SCRG1: variants seen among roughly 807,000 people sequenced by gnomAD.
SCRG1 encodes the protein scrapie-responsive protein 1.
A neutral mutation model predicts 7.7 loss-of-function variants in SCRG1; 3 were observed. That is an observed-to-expected ratio of 0.39 (90% CI 0.18 to 1.01). The LOEUF is 1.01. Ranked by LOEUF, SCRG1 falls within the 50% of genes least tolerant of loss-of-function variation. The probability of loss-of-function intolerance (pLI) is 0.36; values close to 1 mark genes in which losing one functional copy is unlikely to be tolerated. For missense variants in SCRG1, 110 were observed against 117.2 expected (o/e 0.94, Z 0.28); for synonymous variants, 46 against 41.2 (o/e 1.12, Z -0.44).
At chr4:173,499,807 G>A in the SCRG1 span, among the ~76,000 whole-genome samples, 1 of 152,194 alleles carries the variant, frequency 6.6e-6, no homozygotes, top group African/African-American at 2.4e-5. The surrounding 1 kb of genome is among the most constrained non-coding windows in gnomAD (Gnocchi z 4.1). Context: ...AAAAAAAAGT[G>A]GGGGGCAGGG....
At chr4:173,495,522 A>T in the SCRG1 span, among the ~76,000 whole-genome samples, 3 of 152,238 alleles carry the variant, frequency 2.0e-5, no homozygotes, top group Non-Finnish European at 4.4e-5. Context: ...GTGTACATGC[A>T]TGGGAAATAT....
At chr4:173,493,897 T>C in the SCRG1 span, among the ~76,000 whole-genome samples, 12 of 152,292 alleles carry the variant, frequency 7.9e-5, no homozygotes, top group African/African-American at 2.9e-4. Context: ...TGATTTTGGT[T>C]TAAATCCAGT....
At chr4:173,464,830 A>G in the SCRG1 span, among the ~76,000 whole-genome samples, 41 of 152,338 alleles carry the variant, frequency 2.7e-4, no homozygotes, top group Non-Finnish European at 5.1e-4. Flanking sequence ...GCCAAAAGGT[A>G]GAAACAACCC....
chr4:173,413,091 G>C, the SCRG1 span, among the ~76,000 whole-genome samples: 13 of 151,818 alleles, frequency 8.6e-5, no homozygotes, highest in Middle Eastern at 3.4e-3. Flanking sequence ...ATTTCCTTTG[G>C]GTTGATCTCA....
chr4:173,499,997 G>C, the SCRG1 span, among the ~76,000 whole-genome samples: 39 of 152,172 alleles, frequency 2.6e-4, no homozygotes, highest in African/African-American at 9.4e-4. This position sits in a 1 kb window ranked among gnomAD's most constrained non-coding sequence, Gnocchi z 4.1. Flanking sequence ...ACAATGAGAC[G>C]TAACGGGTGG....
At chr4:173,429,970 C>T in the SCRG1 span, among the ~76,000 whole-genome samples, 17 of 148,942 alleles carry the variant, frequency 1.1e-4, no homozygotes, top group African/African-American at 3.7e-4. Context: ...AAGGAAAATA[C>T]CCTGCAAACT....
the SCRG1 span, among the ~76,000 whole-genome samples, chr4:173,517,439 T>TA: frequency 6.6e-6 from 1 of 152,082 alleles, no homozygotes; most frequent in African/African-American, 2.4e-5. Flanking sequence ...TTGCGTTTTT[T>TA]ACCGATAACC....
the SCRG1 span, among the ~76,000 whole-genome samples, chr4:173,502,024 TAATG>T: frequency 6.6e-6 from 1 of 152,130 alleles, no homozygotes; most frequent in Non-Finnish European, 1.5e-5. This position sits in a 1 kb window ranked among gnomAD's most constrained non-coding sequence, Gnocchi z 4.6. Flanking sequence ...ACTGGTGCGT[TAATG>T]GAAGGAAGGG....
the SCRG1 span, among the ~76,000 whole-genome samples, chr4:173,484,955 TTA>T: frequency 1.9e-5 from 1 of 51,962 alleles, no homozygotes; most frequent in African/African-American, 7.7e-5. Context: ...ATATATAATA[TTA>T]TATATATTAT....
the SCRG1 span, among the ~76,000 whole-genome samples, chr4:173,491,215 C>T: frequency 1.7e-4 from 22 of 133,018 alleles, no homozygotes; most frequent in African/African-American, 3.2e-4. Flanking sequence ...CTCTCTCTCT[C>T]TCTTTTTTTT....
the SCRG1 span, chr4:173,419,405 G>T: frequency 8.3e-7 from 1 of 1,210,404 alleles, no homozygotes; most frequent in Non-Finnish European, 1.2e-6. Context: ...TCGTACAGCA[G>T]CATGAGCTTT....
At chr4:173,418,921 T>G in the SCRG1 span, among the ~76,000 whole-genome samples, 15 of 152,348 alleles carry the variant, frequency 9.8e-5, no homozygotes, top group Admixed American at 2.0e-4. Flanking sequence ...CAGTCATGCT[T>G]CCTGTATAGC....
the SCRG1 span, among the ~76,000 whole-genome samples, chr4:173,508,252 T>C: frequency 6.6e-6 from 1 of 152,176 alleles, no homozygotes. The surrounding 1 kb of genome is among the most constrained non-coding windows in gnomAD (Gnocchi z 4.4). Context: ...AAAACAAGAC[T>C]GCTAATTTTA....
At chr4:173,389,818 CT>C (rs1272205551) in intron 2 of SCRG1, 2 of 412,696 alleles carry the variant, frequency 4.8e-6, no homozygotes, top group Admixed American at 2.5e-5. Context: ...AACTCTGCAC[CT>C]TTCCTTGGTA....
the SCRG1 span, among the ~76,000 whole-genome samples, chr4:173,481,116 G>T: frequency 1.3e-5 from 2 of 151,968 alleles, no homozygotes; most frequent in Non-Finnish European, 2.9e-5. Context: ...TTAAGCACAG[G>T]TGCAGCCCTC....
rs941624286 is a variant in SCRG1, at chr4:173,385,828, A to C, written c.*2513T>G. ...TGTAAATGGAGACACTGGATCTTTA[A>C]TGCTTTTTCCCCCTCAAGGAGAGTT... is the stretch of plus-strand genomic sequence containing the variant. On this transcript the variant is annotated 3_prime_UTR_variant, in exon 3 of 3. Transcript: ENST00000296506. 6 of 152,198 alleles carry C rather than the reference A, an allele frequency of 3.9e-5. No homozygotes were observed. Among genetic ancestry groups the C allele is most frequent in the African/African-American group, 1.4e-4 (6 of 41,452 alleles). 9.4% of individuals were successfully genotyped at this position (152,198 alleles called of 1,614,324 possible).
the SCRG1 span, among the ~76,000 whole-genome samples, chr4:173,516,397 G>C: frequency 1.3e-5 from 2 of 152,212 alleles, no homozygotes; most frequent in Non-Finnish European, 2.9e-5. Context: ...GCAGGCGGCC[G>C]AGAAGAACTG....
chr4:173,469,452 T>A, the SCRG1 span: 5 of 152,202 alleles, frequency 3.3e-5, no homozygotes, highest in Non-Finnish European at 7.3e-5. Context: ...GTTTAATGTA[T>A]TAAAATGATA....
chr4:173,514,551 G>A, the SCRG1 span, among the ~76,000 whole-genome samples: 7 of 152,148 alleles, frequency 4.6e-5, no homozygotes, highest in Non-Finnish European at 1.0e-4. Context: ...AAATAAAAAA[G>A]GGGGGAGTAA....
Sources: gnomAD v4.1 joint callset for allele counts (sites outside exome capture counted in the v4.1 genomes callset) on GRCh38, gnomAD v4.1.1 for gene constraint, Gnocchi (gnomAD v3.1) non-coding constraint, MANE v1.5 for transcripts, NCBI Gene and HGNC (gene_info 2026-07-23, HGNC 2026-07-21) for gene names.